Variants in SPG21 observed in about 807,000 individuals in gnomAD.
The protein encoded by SPG21 is SPG21 abhydrolase domain containing, maspardin, also known as maspardin.
SPG21 carries 26 observed loss-of-function variants against 38.9 expected under a neutral mutation model. The observed-to-expected ratio is 0.67, with a 90% CI of 0.49 to 0.93. The LOEUF (loss-of-function observed/expected upper bound fraction) is 0.93, where lower values mean the gene tolerates loss of function less well. SPG21 is among the 40% of genes least tolerant of loss of function. SPG21 has a pLI of 0.00. For synonymous variants in SPG21, 136 were observed against 128.9 expected, an observed-to-expected ratio of 1.05 and a Z score of -0.37; for missense variants, 333 against 376.5, an observed-to-expected ratio of 0.88 and a Z score of 0.96.
chr15:64,976,400 G>A lies in SPG21; in HGVS notation c.306+75C>T, dbSNP rs1466266541. The stretch of plus-strand genomic sequence containing the variant: ...AGATCGCGCCACTGCACTCCAGCCT[G>A]GGTGACAGAGTGAGACTTCATCTCA... On this transcript the variant is annotated intron_variant, in intron 4 of 8. Transcript: ENST00000204566. The A allele has an allele frequency of 3.7e-6, 4 of 1,075,422 alleles. No homozygotes were observed. The East Asian group carries it at 7.4e-5, about 20-fold the overall frequency. 66.6% of individuals were successfully genotyped at this position (1,075,422 alleles called of 1,614,324 possible). A position where few individuals can be genotyped will look rare whatever the true frequency, so the allele number is the denominator to read the frequency against.
intron 7 of SPG21, among the ~76,000 whole-genome samples, chr15:64,965,727 A>T (rs1319555065): frequency 2.0e-5 from 3 of 152,004 alleles, no homozygotes; most frequent in Non-Finnish European, 4.4e-5. Flanking sequence ...GGTGGGGGGA[A>T]ATTCTTTTTT....
intron 2 of SPG21, 134 bp from the exon 3 acceptor site, chr15:64,981,159 G>A: frequency 2.0e-6 from 2 of 1,012,158 alleles, no homozygotes; most frequent in South Asian, 3.0e-5. Flanking sequence ...GCTCACACCA[G>A]ATTAGCATGC....
chr15:64,965,656 A>G (rs997707462), intron 7 of SPG21, among the ~76,000 whole-genome samples, 196 bp from the exon 8 acceptor site: 3 of 152,180 alleles, frequency 2.0e-5, no homozygotes, highest in African/African-American at 7.2e-5. Context: ...CTGGTGACTT[A>G]TAACTCCAAC....
Position 64,985,258 on chromosome 15 carries a change from A to G in SPG21, c.-24-1665T>C, listed in dbSNP as rs555591710. Among the ~76,000 whole-genome samples the G allele has an allele frequency of 9.2e-5, 14 of 152,330 alleles. No homozygotes were observed. The East Asian group carries it at 9.6e-4, about 10-fold the overall frequency. On this transcript the variant is annotated intron_variant, in intron 1 of 8. Transcript: ENST00000204566. ...GGTTTTCATAGCTCTGTGATCTTAGATAAGTCTTGATCCTTTTGGAGTTTG... is the reference window on the plus strand; with the variant it reads ...GGTTTTCATAGCTCTGTGATCTTAGGTAAGTCTTGATCCTTTTGGAGTTTG...
chr15:64,970,299 G>GT, intron 5 of SPG21, 77 bp from the exon 6 acceptor site: 1 of 1,239,720 alleles, frequency 8.1e-7, no homozygotes, highest in South Asian at 1.2e-5. Flanking sequence ...TTAAAGCTTT[G>GT]TATTAGCTTG....
intron 8 of SPG21, among the ~76,000 whole-genome samples, chr15:64,964,730 A>C (rs2085510702): frequency 6.6e-6 from 1 of 151,998 alleles, no homozygotes; most frequent in Admixed American, 6.6e-5. Flanking sequence ...TCCAGGATTC[A>C]AGTGATTCTT....
At chr15:64,970,960 G>A (rs2140419051) in intron 5 of SPG21, among the ~76,000 whole-genome samples, 1 of 152,130 alleles carries the variant, frequency 6.6e-6, no homozygotes, top group East Asian at 1.9e-4. Flanking sequence ...GACTGGTGGT[G>A]AACTCCTGGC....
intron 4 of SPG21, among the ~76,000 whole-genome samples, chr15:64,974,983 C>A (rs1179027992): frequency 6.6e-6 from 1 of 152,036 alleles, no homozygotes; most frequent in Non-Finnish European, 1.5e-5. Flanking sequence ...ATATCATTCA[C>A]AGATTGCATT....
At chr15:64,986,011 G>C (rs986854075) in intron 1 of SPG21, among the ~76,000 whole-genome samples, 12 of 152,290 alleles carry the variant, frequency 7.9e-5, no homozygotes, top group African/African-American at 2.9e-4. Context: ...CTGAAAATTA[G>C]TGTGCACAGA....
chr15:64,989,484 G>C (rs1202885693), intron 1 of SPG21, 181 bp downstream of exon 1: 1 of 152,912 alleles, frequency 6.5e-6, no homozygotes, highest in Non-Finnish European at 1.5e-5. Context: ...CCACAGCCCA[G>C]ATTCGGCCCC....
intron 2 of SPG21, chr15:64,983,272 A>G (rs2085918794): frequency 6.9e-6 from 1 of 144,894 alleles, no homozygotes; most frequent in African/African-American, 3.0e-5. Context: ...AAAAATAAAT[A>G]TAAATAAATA....
At chr15:64,967,020 A>T (rs1180048491) in intron 7 of SPG21, among the ~76,000 whole-genome samples, 2 of 152,200 alleles carry the variant, frequency 1.3e-5, no homozygotes, top group African/African-American at 4.8e-5. Flanking sequence ...ATAGTGAGAT[A>T]CCAATTCATA....
chr15:64,963,775 A>G, intron 8 of SPG21, 39 bp from the exon 9 acceptor site: 2 of 1,579,256 alleles, frequency 1.3e-6, no homozygotes, highest in Non-Finnish European at 1.7e-6. Context: ...TTATTTTTTG[A>G]GCTGGAGTGT....
At chr15:64,982,975 A>C (rs2085910396) in intron 2 of SPG21, 1 of 158,260 alleles carries the variant, frequency 6.3e-6, no homozygotes, top group Non-Finnish European at 1.4e-5. Flanking sequence ...AAATGAGTAC[A>C]GGCTGGGTGC....
rs920064169 is a variant in SPG21, at chr15:64,974,484, G to T, written c.452+118C>A. Reference sequence around the variant, plus strand: ...AGCAAGACTCTGTCTCAAAAAAAAAGCCAAGGAAGTTGCAGAATATAGAAG... The same window carrying T: ...AGCAAGACTCTGTCTCAAAAAAAAATCCAAGGAAGTTGCAGAATATAGAAG... On this transcript the variant is annotated intron_variant, in intron 5 of 8. Transcript: ENST00000204566. 4.8e-6 allele frequency: 6 copies of T among 1,237,940 alleles called. No homozygotes were observed. The African/African-American group carries it at 9.1e-5, about 19-fold the overall frequency. 76.7% of individuals were successfully genotyped at this position (1,237,940 alleles called of 1,614,324 possible).
intron 5 of SPG21, among the ~76,000 whole-genome samples, chr15:64,972,570 T>G (rs2085688238): frequency 6.6e-6 from 1 of 152,212 alleles, no homozygotes; most frequent in South Asian, 2.1e-4. Context: ...CAGTGGCTCA[T>G]GCCTGTAATC....
At chr15:64,984,810 C>T (rs1348231463) in intron 1 of SPG21, among the ~76,000 whole-genome samples, 1 of 148,174 alleles carries the variant, frequency 6.7e-6, no homozygotes, top group Admixed American at 6.8e-5. Context: ...AGTGCAGTGG[C>T]GTGATCTCAG....
intron 5 of SPG21, among the ~76,000 whole-genome samples, chr15:64,973,358 C>G (rs561406089): frequency 1.1e-4 from 16 of 152,242 alleles, no homozygotes; most frequent in Admixed American, 2.0e-4. Flanking sequence ...AGATACCTAC[C>G]AATTACTTAA....
intron 5 of SPG21, among the ~76,000 whole-genome samples, chr15:64,972,604 G>A (rs1017040747): frequency 7.9e-5 from 12 of 152,092 alleles, no homozygotes; most frequent in African/African-American, 1.9e-4. Flanking sequence ...AGGCTGAGGC[G>A]GGCGGATCAC....
Sources: gnomAD v4.1 joint callset for allele counts (sites outside exome capture counted in the v4.1 genomes callset) on GRCh38, gnomAD v4.1.1 for gene constraint, MANE v1.5 for transcripts, NCBI Gene and HGNC (gene_info 2026-07-23, HGNC 2026-07-21) for gene names.